The following AGAP1 variants were observed in gnomAD, a reference collection of about 807,000 sequenced individuals.
AGAP1 encodes arf-GAP with GTPase, ANK repeat and PH domain-containing protein 1.
A neutral mutation model predicts 105.3 loss-of-function variants in AGAP1; 29 were observed. The ratio of observed to expected loss-of-function variants is 0.28; its 90% CI spans 0.21 to 0.38. AGAP1 has a LOEUF of 0.38. AGAP1 is among the 10% of genes least tolerant of loss of function. The pLI, the probability that AGAP1 is intolerant of heterozygous loss-of-function variation, is 1.00. For synonymous variants in AGAP1, 509 were observed against 485.9 expected (o/e 1.05, Z -0.63); for missense variants, 998 against 1,165.1 (o/e 0.86, Z 2.09).
rs757595040 is a variant in AGAP1 at position 235,830,435 on chromosome 2, C to T, written c.1050+23104C>T. On this transcript the variant is annotated intron_variant, in intron 9 of 17. Coordinates refer to ENST00000304032, the MANE Select transcript of AGAP1 (RefSeq NM_001037131.3). This position sits in a 1 kb window ranked among gnomAD's most constrained non-coding sequence, Gnocchi z 5.5. ...TTTCTGATTGCAGGCACTTCAAAGCCGTCAGTTCCATTCATTGTTTTTCAA... is the reference window on the plus strand; with the variant it reads ...TTTCTGATTGCAGGCACTTCAAAGCTGTCAGTTCCATTCATTGTTTTTCAA... Among the ~76,000 whole-genome samples, 6 of 152,312 alleles carry T rather than the reference C, an allele frequency of 3.9e-5. No homozygotes were observed. Among genetic ancestry groups the T allele is most frequent in the Middle Eastern group, 3.4e-3 (1 of 294 alleles).
At chr2:236,107,953 A>G (rs751615760) in intron 16 of AGAP1, among the ~76,000 whole-genome samples, 17 of 152,170 alleles carry the variant, frequency 1.1e-4, no homozygotes, top group Non-Finnish European at 2.4e-4. Context: ...TGGCAAAAAC[A>G]CTCATAATAT....
At chr2:236,018,295 C>G (rs2056775392) in intron 13 of AGAP1, among the ~76,000 whole-genome samples, 1 of 152,190 alleles carries the variant, frequency 6.6e-6, no homozygotes, top group African/African-American at 2.4e-5. Context: ...AGAATAAGAT[C>G]TAAATACCAG....
chr2:235,677,033 GT>G (rs779313530), intron 1 of AGAP1, among the ~76,000 whole-genome samples: 7 of 152,350 alleles, frequency 4.6e-5, no homozygotes, highest in Non-Finnish European at 1.0e-4. Flanking sequence ...AGAATCCGCT[GT>G]GGTGTTGATT....
At chr2:235,795,146 A>G (rs1957185175) in intron 6 of AGAP1, among the ~76,000 whole-genome samples, 1 of 152,168 alleles carries the variant, frequency 6.6e-6, no homozygotes. Flanking sequence ...CTCCACTCAC[A>G]TAGACACACC....
chr2:235,921,420 A>G (rs901865906), intron 11 of AGAP1, among the ~76,000 whole-genome samples: 1 of 152,246 alleles, frequency 6.6e-6, no homozygotes, highest in African/African-American at 2.4e-5. Flanking sequence ...TTTAGTTTAC[A>G]TTATTTGTAT....
At position 235,574,645 on chromosome 2, in the gene AGAP1, A is replaced by G. The variant is rs113352069; in HGVS notation, c.163+79796A>G. 2.8e-3 allele frequency among the ~76,000 whole-genome samples: 430 copies of G among 152,310 alleles called. 1 individual carries two copies. The highest frequency in any genetic ancestry group is 0.01 in the African/African-American group (416 of 41,566). ...CCTTTTTGGTTCTGTGCGACAGTTA[A>G]TGAATAGTCATGTGCATTTGACCCC... On this transcript the variant is annotated intron_variant, in intron 1 of 17. Transcript: ENST00000304032. This position sits in a 1 kb window ranked among gnomAD's most constrained non-coding sequence, Gnocchi z 5.0.
At chr2:235,918,297 TAAAAC>T (rs1559645415) in intron 11 of AGAP1, among the ~76,000 whole-genome samples, 1 of 152,248 alleles carries the variant, frequency 6.6e-6, no homozygotes, top group Non-Finnish European at 1.5e-5. Context: ...TTTTCTGAAA[TAAAAC>T]CTCAATATCA....
rs1383568237 is a variant in AGAP1 at position 235,574,385 on chromosome 2, G to A, written c.163+79536G>A. Among the ~76,000 whole-genome samples the A allele has an allele frequency of 6.6e-6, 1 of 152,162 alleles. No individual in the cohort carries two copies. The highest frequency in any genetic ancestry group is 1.5e-5 in the Non-Finnish European group (1 of 68,024). ...ATGTGTGAAGCATTTTTTCTTCTTT[G>A]CTAAATGCATAAACTGTATAACGAA... On this transcript the variant is annotated intron_variant, in intron 1 of 17. Coordinates refer to ENST00000304032, the MANE Select transcript of AGAP1 (RefSeq NM_001037131.3). This position sits in a 1 kb window ranked among gnomAD's most constrained non-coding sequence, Gnocchi z 5.0.
At chr2:236,107,883 T>G (rs1490077804) in intron 16 of AGAP1, among the ~76,000 whole-genome samples, 1 of 152,212 alleles carries the variant, frequency 6.6e-6, no homozygotes, top group Non-Finnish European at 1.5e-5. Context: ...TATGGTTGAC[T>G]TTATTTAATT....
intron 11 of AGAP1, among the ~76,000 whole-genome samples, chr2:235,928,079 C>T (rs1201353332): frequency 6.6e-6 from 1 of 152,214 alleles, no homozygotes; most frequent in Non-Finnish European, 1.5e-5. Flanking sequence ...CAGTCAGGGT[C>T]CCAGCAAGGG....
rs538861955 is a variant in AGAP1 at position 235,556,576 on chromosome 2, C to T, written c.163+61727C>T. Reference sequence around the variant, plus strand: ...CTTGGGGGAGGGAAGGCATCAGGAGCCTTCTGCTGAGTTCAGTGGAAGGTG... The same window carrying T: ...CTTGGGGGAGGGAAGGCATCAGGAGTCTTCTGCTGAGTTCAGTGGAAGGTG... On this transcript the variant is annotated intron_variant, in intron 1 of 17. Coordinates refer to ENST00000304032, the MANE Select transcript of AGAP1 (RefSeq NM_001037131.3). This position sits in a 1 kb window ranked among gnomAD's most constrained non-coding sequence, Gnocchi z 5.3. Among the ~76,000 whole-genome samples, 4 of 152,338 alleles carry T rather than the reference C, an allele frequency of 2.6e-5. No individual in the cohort carries two copies. In the South Asian group the frequency reaches 8.3e-4, roughly 32 times the overall value.
intron 12 of AGAP1, among the ~76,000 whole-genome samples, chr2:235,946,113 A>G (rs1042000737): frequency 6.6e-6 from 1 of 151,964 alleles, no homozygotes; most frequent in Non-Finnish European, 1.5e-5. Flanking sequence ...CTAATTAAAA[A>G]AAAAAATACA....
Position 236,000,723 on chromosome 2 carries a change from C to T in AGAP1, c.1645+32100C>T, listed in dbSNP as rs759659007. Reference sequence around the variant, plus strand: ...GGCACATGCCTGAGGCAATCAGCCCCGATGGTGTGGCGGGGCAGGTACTAG... The same window carrying T: ...GGCACATGCCTGAGGCAATCAGCCCTGATGGTGTGGCGGGGCAGGTACTAG... On this transcript the variant is annotated intron_variant, in intron 13 of 17. Transcript: ENST00000304032. This position sits in a 1 kb window ranked among gnomAD's most constrained non-coding sequence, Gnocchi z 4.3. Among the ~76,000 whole-genome samples the T allele has an allele frequency of 2.2e-4, 33 of 152,190 alleles. No homozygotes were observed. The highest frequency in any genetic ancestry group is 8.3e-4 in the South Asian group (4 of 4,826).
chr2:235,753,718 AAGT>A lies in AGAP1; in HGVS notation c.673+3233_673+3235del, dbSNP rs986744850. On this transcript the variant is annotated intron_variant, in intron 6 of 17. Coordinates refer to ENST00000304032, the MANE Select transcript of AGAP1 (RefSeq NM_001037131.3). The surrounding 1 kb of genome is among the most constrained non-coding windows in gnomAD (Gnocchi z 4.5). ...GAGACTCTGTCTCAAAAAAAAAAAA[AAGT>A]AGGATTTTATGGAATTTGAAAAGCA... 1.8e-4 allele frequency among the ~76,000 whole-genome samples: 27 copies of A among 152,158 alleles called. No individual in the cohort carries two copies. Among genetic ancestry groups the A allele is most frequent in the Non-Finnish European group, 2.6e-4 (18 of 67,972 alleles).
chr2:235,691,890 AGG>A lies in AGAP1; in HGVS notation c.164-17287_164-17286del, dbSNP rs1325305968. ...AGGAGAGGGAACTTAGAGGCAAGGC[AGG>A]GATGCAAAATCGGAGTTCCTAGTAG... On this transcript the variant is annotated intron_variant, in intron 1 of 17. Transcript: ENST00000304032. This position sits in a 1 kb window ranked among gnomAD's most constrained non-coding sequence, Gnocchi z 4.4. Among the ~76,000 whole-genome samples, 1 of 152,234 alleles carries A rather than the reference AGG, an allele frequency of 6.6e-6. No individual in the cohort carries two copies. The highest frequency in any genetic ancestry group is 1.5e-5 in the Non-Finnish European group (1 of 68,042).
rs895621402 is a variant in AGAP1, at chr2:235,719,757, C to T, written c.310+2113C>T. Among the ~76,000 whole-genome samples, 1 of 152,180 alleles carries T rather than the reference C, an allele frequency of 6.6e-6. No individual in the cohort carries two copies. Among genetic ancestry groups the T allele is most frequent in the East Asian group, 1.9e-4 (1 of 5,178 alleles). On this transcript the variant is annotated intron_variant, in intron 3 of 17. Transcript: ENST00000304032. This position sits in a 1 kb window ranked among gnomAD's most constrained non-coding sequence, Gnocchi z 4.9. ...ATGCCCTGCAGCAGCCCTCCCTGGG[C>T]ATGTGGCCTCTCACCTTTTGACTCG...
chr2:236,053,475 G>T lies in AGAP1; in HGVS notation c.2114+4194G>T, dbSNP rs1427625411. ...AGTGTTTCCGGGGCTGCACGGCAGC[G>T]CCCTGGCCCGTTGTTCTTTATTGTT... On this transcript the variant is annotated intron_variant, in intron 16 of 17. Transcript: ENST00000304032. This position sits in a 1 kb window ranked among gnomAD's most constrained non-coding sequence, Gnocchi z 4.6. Among the ~76,000 whole-genome samples, 2 of 152,226 alleles carry T rather than the reference G, an allele frequency of 1.3e-5. No homozygotes were observed. The highest frequency in any genetic ancestry group is 3.2e-3 in the Middle Eastern group (1 of 316).
intron 6 of AGAP1, among the ~76,000 whole-genome samples, chr2:235,756,687 G>T (rs924812156): frequency 2.0e-5 from 3 of 152,198 alleles, no homozygotes; most frequent in Admixed American, 6.5e-5. Flanking sequence ...GCTTGCAAGT[G>T]AGCATTACTC....
intron 16 of AGAP1, among the ~76,000 whole-genome samples, chr2:236,077,195 G>A (rs1159638372): frequency 2.1e-5 from 3 of 146,110 alleles, no homozygotes; most frequent in African/African-American, 7.6e-5. Context: ...ATCAGTTAAT[G>A]TTTGACATAT....
Sources: gnomAD v4.1 joint callset for allele counts (sites outside exome capture counted in the v4.1 genomes callset) on GRCh38, gnomAD v4.1.1 for gene constraint, Gnocchi (gnomAD v3.1) non-coding constraint, MANE v1.5 for transcripts, NCBI Gene and HGNC (gene_info 2026-07-23, HGNC 2026-07-21) for gene names.